Variants in KATNAL2 observed in about 807,000 individuals in gnomAD.
KATNAL2 encodes the protein katanin catalytic subunit A1 like 2.
KATNAL2 carries 52 observed loss-of-function variants against 76.3 expected under a neutral mutation model. That is an observed-to-expected ratio of 0.68 (90% CI 0.55 to 0.86). The LOEUF is 0.86. Among genes scored for constraint, KATNAL2 ranks in the 40% least tolerant of loss-of-function variants. The pLI is 0.00. For missense variants in KATNAL2, 660 were observed against 668.9 expected, an observed-to-expected ratio of 0.99 and a Z score of 0.15; for synonymous variants, 243 against 244.2, an observed-to-expected ratio of 1.00 and a Z score of 0.05.
At chr18:47,033,473 G>T in intron 3 of KATNAL2, 2 of 1,614,152 alleles carry the variant, frequency 1.2e-6, no homozygotes, top group Non-Finnish European at 1.7e-6. Flanking sequence ...TTTTCCTGTG[G>T]CTTTTCTTCC....
At chr18:47,048,568 G>A (rs1358154424) in intron 4 of KATNAL2, among the ~76,000 whole-genome samples, 1 of 152,146 alleles carries the variant, frequency 6.6e-6, no homozygotes, top group Non-Finnish European at 1.5e-5. Flanking sequence ...ATTGAGCCCC[G>A]GAGCAGGGCA....
At chr18:47,048,411 C>G (rs2061231522) in intron 4 of KATNAL2, among the ~76,000 whole-genome samples, 1 of 152,154 alleles carries the variant, frequency 6.6e-6, no homozygotes, top group African/African-American at 2.4e-5. Context: ...TTTCTCTTAC[C>G]CATGCCAGCA....
At chr18:47,092,200 C>G (rs2063030322) in intron 15 of KATNAL2, among the ~76,000 whole-genome samples, 1 of 152,126 alleles carries the variant, frequency 6.6e-6, no homozygotes, top group Admixed American at 6.6e-5. Context: ...TTTAGCTTCC[C>G]TGTTAAAAGA....
At position 47,058,329 on chromosome 18, in the gene KATNAL2, C is replaced by T. The variant is rs1468031515; in HGVS notation, c.427C>T (p.Leu143Phe). ...TAGKTGDTKS[L>F]NKEHPNQEVV... ...GGGGAAGACAGGGGACACCAAATCG[C>T]TCAATAAGGAGCATCCTAATCAGGT... Residue 143 changes from leucine to phenylalanine, a missense_variant, in exon 7 of 18, where the codon CTC becomes TTC. Coordinates refer to ENST00000683218, the MANE Select transcript of KATNAL2 (RefSeq NM_001387690.1). 1.9e-6 allele frequency: 3 copies of T among 1,612,940 alleles called. No homozygotes were observed. In the South Asian group the frequency reaches 3.3e-5, roughly 18 times the overall value.
chr18:47,084,657 T>TC (rs143906621), intron 15 of KATNAL2, among the ~76,000 whole-genome samples: 1,767 of 151,864 alleles, frequency 0.012, 20 homozygotes, highest in Non-Finnish European at 0.019. Context: ...AAGACCTGCC[T>TC]GGCCCACATG....
chr18:47,086,469 C>T (rs1280555340), intron 15 of KATNAL2, among the ~76,000 whole-genome samples: 1 of 152,184 alleles, frequency 6.6e-6, no homozygotes, highest in African/African-American at 2.4e-5. Context: ...ACACCCACCA[C>T]CATGCCCAGC....
At chr18:46,955,174 C>CTTTCTTTCTT (rs2059702488) in intron 3 of KATNAL2, among the ~76,000 whole-genome samples, 2 of 132,708 alleles carry the variant, frequency 1.5e-5, no homozygotes, top group African/African-American at 5.6e-5. Flanking sequence ...TTCTTTCTTT[C>CTTTCTTTCTT]TTTCTTTCTT....
intron 3 of KATNAL2, among the ~76,000 whole-genome samples, chr18:47,045,350 G>A (rs977171652): frequency 7.8e-6 from 1 of 128,290 alleles, no homozygotes; most frequent in Non-Finnish European, 1.7e-5. Flanking sequence ...TTTTGAGACA[G>A]AGTCTTACTC....
chr18:46,939,477 C>T (rs779703933), intron 1 of KATNAL2, among the ~76,000 whole-genome samples: 3 of 152,066 alleles, frequency 2.0e-5, no homozygotes, highest in Non-Finnish European at 2.9e-5. Flanking sequence ...AGTCACAACA[C>T]TAATAGCCAA....
chr18:46,918,428 C>T (rs958034259), intron 1 of KATNAL2, among the ~76,000 whole-genome samples: 2 of 152,174 alleles, frequency 1.3e-5, no homozygotes, highest in Admixed American at 1.3e-4. Context: ...TCCAGGTCTT[C>T]CTTCCACTCC....
At chr18:46,938,213 T>G (rs960608124) in intron 1 of KATNAL2, among the ~76,000 whole-genome samples, 3 of 152,160 alleles carry the variant, frequency 2.0e-5, no homozygotes, top group Admixed American at 2.0e-4. Flanking sequence ...TTGGAAAAAG[T>G]TATCTACTCT....
intron 15 of KATNAL2, among the ~76,000 whole-genome samples, chr18:47,092,759 C>T (rs904793260): frequency 2.6e-5 from 4 of 152,184 alleles, no homozygotes; most frequent in African/African-American, 9.6e-5. Context: ...CTGGAGGGTC[C>T]TTCACTCTAT....
intron 14 of KATNAL2, chr18:47,076,502 G>T (rs1028156564): frequency 1.3e-5 from 2 of 152,096 alleles, no homozygotes; most frequent in African/African-American, 4.8e-5. Context: ...CGTGTGCTTT[G>T]TCGAGCTCTG....
chr18:46,925,258 C>G (rs2058693647), intron 1 of KATNAL2, among the ~76,000 whole-genome samples: 1 of 152,140 alleles, frequency 6.6e-6, no homozygotes, highest in Non-Finnish European at 1.5e-5. Flanking sequence ...TACGTCCCAT[C>G]AGTACCTAAT....
intron 3 of KATNAL2, among the ~76,000 whole-genome samples, chr18:47,037,559 T>A (rs1232701746): frequency 1.3e-5 from 2 of 152,194 alleles, no homozygotes; most frequent in African/African-American, 4.8e-5. Context: ...CAGAAGATAA[T>A]TTTCTAGGTT....
intron 1 of KATNAL2, among the ~76,000 whole-genome samples, chr18:46,926,642 C>T (rs1157100726): frequency 6.6e-6 from 1 of 152,014 alleles, no homozygotes; most frequent in Non-Finnish European, 1.5e-5. Flanking sequence ...GGTATCCTTG[C>T]TAACTTTCTG....
intron 3 of KATNAL2, among the ~76,000 whole-genome samples, chr18:47,038,146 T>C (rs2060844410): frequency 2.0e-5 from 3 of 152,226 alleles, no homozygotes; most frequent in African/African-American, 7.2e-5. Context: ...TTTGCAGAAA[T>C]GTAATGAAAA....
chr18:46,952,713 A>T (rs2059601631), intron 3 of KATNAL2, among the ~76,000 whole-genome samples: 1 of 149,690 alleles, frequency 6.7e-6, no homozygotes, highest in South Asian at 2.1e-4. Flanking sequence ...TATGTTTTTT[A>T]TTGATGGTTG....
At chr18:46,934,234 C>T (rs1014514824) in intron 1 of KATNAL2, among the ~76,000 whole-genome samples, 1 of 152,178 alleles carries the variant, frequency 6.6e-6, no homozygotes, top group Non-Finnish European at 1.5e-5. Context: ...CTGACTTCCA[C>T]AATGGTTGAA....
Sources: gnomAD v4.1 joint callset for allele counts (sites outside exome capture counted in the v4.1 genomes callset) on GRCh38, gnomAD v4.1.1 for gene constraint, MANE v1.5 for transcripts, NCBI Gene and HGNC (gene_info 2026-07-23, HGNC 2026-07-21) for gene names.